Variants in TERF2 observed in about 807,000 individuals in gnomAD.
TERF2 encodes telomeric repeat-binding factor 2.
TERF2 carries 16 observed loss-of-function variants against 56.1 expected under a neutral mutation model. The observed-to-expected ratio is 0.29, with a 90% CI of 0.19 to 0.43. The LOEUF (loss-of-function observed/expected upper bound fraction) is 0.43, where lower values mean the gene tolerates loss of function less well. Ranked by LOEUF, TERF2 falls within the 20% of genes least tolerant of loss-of-function variation. The pLI is 1.00. For missense variants in TERF2, 547 were observed against 712.9 expected (o/e 0.77, Z 2.65); for synonymous variants, 296 against 282.1 (o/e 1.05, Z -0.50).
chr16:69,370,133 C>T (rs760046036), intron 5 of TERF2: 5 of 264,852 alleles, frequency 1.9e-5, no homozygotes, highest in East Asian at 6.9e-5. Flanking sequence ...TGGGTTCAAG[C>T]GATTCTCCTG....
In TERF2 at chr16:69,385,388, T is replaced by C. The variant is rs754642945; in HGVS notation, c.475+3A>G. 2 of 1,612,820 alleles carry C rather than the reference T, an allele frequency of 1.2e-6. No individual in the cohort carries two copies. The highest frequency in any genetic ancestry group is 1.7e-6 in the Non-Finnish European group (2 of 1,179,000). ...CCAGAGAAGAACACAAAAATAGCCA[T>C]ACCTAAATTTTCCCCTTCTTCAATC... On this transcript the variant is annotated splice_donor_region_variant and intron_variant, in intron 2 of 9. Transcript: ENST00000254942.
chr16:69,365,209 G>A (rs1209926482), intron 7 of TERF2: 1 of 152,246 alleles, frequency 6.6e-6, no homozygotes, highest in Non-Finnish European at 1.5e-5. Flanking sequence ...GGATTGCTGT[G>A]AGAAGCCAAT....
At position 69,366,888 on chromosome 16, in the gene TERF2, T is replaced by C. The variant is rs754713348; in HGVS notation, c.1259A>G (p.Asn420Ser). 3.1e-6 allele frequency: 5 copies of C among 1,613,870 alleles called. No individual in the cohort carries two copies. The highest frequency in any genetic ancestry group is 2.2e-5 in the South Asian group (2 of 91,078). The stretch of plus-strand genomic sequence containing the variant: ...CGCTGAAGCGGCCTCCTGGGAGGAG[T>C]TGAGGCCTGCGCTGGGCTCAGTACT... ...SQSTEPSAGL[N>S]SSQEAASAPP... Residue 420 changes from asparagine to serine, a missense_variant, in exon 7 of 10, where the codon AAC (asparagine) becomes AGC (serine). Asn to Ser is a conservative substitution (Grantham distance 46). Transcript: ENST00000254942.
intron 8 of TERF2, among the ~76,000 whole-genome samples, chr16:69,359,707 G>A (rs1444684554): frequency 4.8e-4 from 52 of 108,350 alleles, no homozygotes; most frequent in African/African-American, 1.8e-3. Flanking sequence ...TGCAACCTCC[G>A]CCTCCCGGGT....
In TERF2 at chr16:69,356,486, C is replaced by A. The variant is rs976387400; in HGVS notation, c.*412G>T. ...GTCGAAGGAGGTTGCCCAAAATTCTCATCCCAGCCCAGCTTCTGAAAGAAA... is the reference window on the plus strand; with the variant it reads ...GTCGAAGGAGGTTGCCCAAAATTCTAATCCCAGCCCAGCTTCTGAAAGAAA... On this transcript the variant is annotated 3_prime_UTR_variant, in exon 10 of 10. Coordinates refer to ENST00000254942, the MANE Select transcript of TERF2 (RefSeq NM_005652.5). 2.2e-5 allele frequency: 6 copies of A among 273,072 alleles called. No homozygotes were observed. Among genetic ancestry groups the A allele is most frequent in the Non-Finnish European group, 3.6e-5 (5 of 138,850 alleles). 16.9% of individuals were successfully genotyped at this position (273,072 alleles called of 1,614,324 possible).
At chr16:69,367,837 C>T (rs759279376) in intron 6 of TERF2, among the ~76,000 whole-genome samples, 1 of 152,196 alleles carries the variant, frequency 6.6e-6, no homozygotes, top group Non-Finnish European at 1.5e-5. Flanking sequence ...AAACCCTGGA[C>T]ATCTCATACA....
intron 3 of TERF2, among the ~76,000 whole-genome samples, chr16:69,378,208 G>A (rs1434576802): frequency 2.6e-5 from 4 of 152,140 alleles, no homozygotes; most frequent in Non-Finnish European, 5.9e-5. Context: ...AAATACTGAA[G>A]CAGCCTTGCA....
chr16:69,370,994 T>TACAC (rs113222809), intron 4 of TERF2, among the ~76,000 whole-genome samples: 5,253 of 147,686 alleles, frequency 0.036, 123 homozygotes, highest in African/African-American at 0.047. Flanking sequence ...TGGATGTCTG[T>TACAC]ACACACACAC....
chr16:69,364,869 G>C (rs1179203573), intron 7 of TERF2: 1 of 152,200 alleles, frequency 6.6e-6, no homozygotes, highest in African/African-American at 2.4e-5. Flanking sequence ...GGGCCAGATA[G>C]TATTTTCACT....
chr16:69,363,997 A>T (rs776925479), intron 7 of TERF2, among the ~76,000 whole-genome samples: 27 of 152,284 alleles, frequency 1.8e-4, no homozygotes, highest in Non-Finnish European at 3.2e-4. Context: ...AAAAAGAAAA[A>T]GAAAAAACAA....
intron 3 of TERF2, among the ~76,000 whole-genome samples, chr16:69,376,291 T>C (rs1311790575): frequency 1.3e-5 from 2 of 152,192 alleles, no homozygotes; most frequent in Non-Finnish European, 2.9e-5. Flanking sequence ...TCAATACCAT[T>C]TGTTGAAAAG....
At chr16:69,370,261 C>G (rs1425485126) in intron 5 of TERF2, 1 of 536,644 alleles carries the variant, frequency 1.9e-6, no homozygotes, top group Admixed American at 3.7e-5. Context: ...GAACTCCTGA[C>G]CTCAGGTGAT....
chr16:69,384,624 T>G lies in TERF2; in HGVS notation c.562A>C (p.Thr188Pro). 6.2e-7 allele frequency: 1 copy of G among 1,614,164 alleles called. No individual in the cohort carries two copies. Among genetic ancestry groups the G allele is most frequent in the Non-Finnish European group, 8.5e-7 (1 of 1,180,022 alleles). Residue 188 changes from threonine to proline, a missense_variant, in exon 3 of 10, where the codon ACA becomes CCA. Physicochemically the swap from Thr to Pro is conservative, Grantham distance 38. Coordinates refer to ENST00000254942, the MANE Select transcript of TERF2 (RefSeq NM_005652.5). ...LEMIKTEFTLTEAVVESSRKL... is the reference protein window; with the variant it reads ...LEMIKTEFTLPEAVVESSRKL... The stretch of plus-strand genomic sequence containing the variant: ...CTACTGGATTCGACCACTGCTTCTG[T>G]CAGTGTAAATTCCGTTTTAATCATC...
intron 9 of TERF2, 63 bp downstream of exon 9, chr16:69,357,455 G>A: frequency 1.4e-6 from 2 of 1,404,042 alleles, no homozygotes; most frequent in Non-Finnish European, 2.0e-6. Flanking sequence ...TGTGAGACAG[G>A]GCGCGTATTT....
At chr16:69,372,710 C>T (rs778763227) in intron 3 of TERF2, among the ~76,000 whole-genome samples, 4 of 151,962 alleles carry the variant, frequency 2.6e-5, no homozygotes, top group Non-Finnish European at 5.9e-5. Flanking sequence ...TGCAGTAAGC[C>T]GAGATCGCGC....
intron 3 of TERF2, among the ~76,000 whole-genome samples, chr16:69,373,987 A>G (rs1042021840): frequency 3.9e-5 from 6 of 152,244 alleles, no homozygotes; most frequent in Non-Finnish European, 7.3e-5. Flanking sequence ...ACAGCCATAC[A>G]GGGCGGAAGG....
chr16:69,381,730 G>A (rs1020435071), intron 3 of TERF2, among the ~76,000 whole-genome samples: 1 of 151,852 alleles, frequency 6.6e-6, no homozygotes, highest in African/African-American at 2.4e-5. Context: ...ATCCACTCAC[G>A]TCAGCCTCCC....
At chr16:69,357,078 T>C in intron 9 of TERF2, 22 bp from the exon 10 acceptor site, 2 of 1,598,830 alleles carry the variant, frequency 1.3e-6, no homozygotes, top group African/African-American at 2.7e-5. Context: ...AACCAAAAGA[T>C]TTATTACCAC....
intron 3 of TERF2, among the ~76,000 whole-genome samples, chr16:69,378,421 C>G (rs2013872151): frequency 6.6e-6 from 1 of 152,174 alleles, no homozygotes; most frequent in Non-Finnish European, 1.5e-5. Context: ...GCTGCTGCCA[C>G]CAGGATAGTA....
Sources: gnomAD v4.1 joint callset for allele counts (sites outside exome capture counted in the v4.1 genomes callset) on GRCh38, gnomAD v4.1.1 for gene constraint, MANE v1.5 for transcripts, NCBI Gene and HGNC (gene_info 2026-07-23, HGNC 2026-07-21) for gene names.